The following PARP4 variants were observed in gnomAD, a reference collection of about 807,000 sequenced individuals.
PARP4 encodes protein mono-ADP-ribosyltransferase PARP4.
A neutral mutation model predicts 187.7 loss-of-function variants in PARP4; 120 were observed. The ratio of observed to expected loss-of-function variants is 0.64; its 90% CI spans 0.55 to 0.74. The LOEUF (loss-of-function observed/expected upper bound fraction) is 0.74, where lower values mean the gene tolerates loss of function less well. Among genes scored for constraint, PARP4 ranks in the 30% least tolerant of loss-of-function variants. The probability of loss-of-function intolerance (pLI) is 0.00; values close to 1 mark genes in which losing one functional copy is unlikely to be tolerated. For missense variants in PARP4, 1,836 were observed against 2,070.5 expected (o/e 0.89, Z 2.20); for synonymous variants, 654 against 740.9 (o/e 0.88, Z 1.90).
chr13:24,475,163 C>A (rs13378615), intron 15 of PARP4, among the ~76,000 whole-genome samples: 1,865 of 152,250 alleles, frequency 0.012, 38 homozygotes, highest in African/African-American at 0.042. Flanking sequence ...AAAGCAGCTC[C>A]TCCTGCTTTC....
chr13:24,449,661 C>T (rs541174406), intron 25 of PARP4, 57 bp downstream of exon 25: 31 of 983,262 alleles, frequency 3.2e-5, no homozygotes, highest in Non-Finnish European at 4.2e-5. Flanking sequence ...TTCTTAGTCT[C>T]GGAAGAATAA....
chr13:24,501,708 A>AG lies in PARP4; in HGVS notation c.258dup (p.Asp88GlyfsTer6), dbSNP rs1869294015. 1.2e-6 allele frequency: 2 copies of AG among 1,613,150 alleles called. No homozygotes were observed. Among genetic ancestry groups the AG allele is most frequent in the South Asian group, 1.1e-5 (1 of 91,056 alleles). On this transcript the variant is annotated frameshift_variant, in exon 3 of 34. Transcript: ENST00000381989. LOFTEE classifies it high-confidence loss of function. Reference sequence around the variant, plus strand: ...TAAGGATCATAATTCTTTACATCCAAGAGTCTCTTTTCCCTGATAGATTTC... The same window carrying AG: ...TAAGGATCATAATTCTTTACATCCAAGGAGTCTCTTTTCCCTGATAGATTTC...
rs60369840 is a variant in PARP4 at position 24,501,524 on chromosome 13, AT to A, written c.334+108del. The A allele has an allele frequency of 5.4e-3, 3,904 of 721,228 alleles. 86 individuals are homozygous for A. The African/African-American group carries it at 0.055, about 10-fold the overall frequency. 44.7% of individuals were successfully genotyped at this position (721,228 alleles called of 1,614,324 possible). Reference sequence around the variant, plus strand: ...TCCATTTTCTGAGGTAATAAGTCTAATTTTTTTTTAGTATTTCTGGACAATT... The same window carrying A: ...TCCATTTTCTGAGGTAATAAGTCTAATTTTTTTTAGTATTTCTGGACAATT... On this transcript the variant is annotated intron_variant, in intron 3 of 33. Coordinates refer to ENST00000381989, the MANE Select transcript of PARP4 (RefSeq NM_006437.4).
intron 11 of PARP4, 99 bp from the exon 12 acceptor site, chr13:24,484,847 A>C: frequency 1.4e-6 from 1 of 739,018 alleles, no homozygotes; most frequent in Non-Finnish European, 2.4e-6. Flanking sequence ...TCTGGCATTC[A>C]GAGAACTCTG....
intron 28 of PARP4, 107 bp downstream of exon 28, chr13:24,443,543 G>A: frequency 1.4e-6 from 1 of 734,602 alleles, no homozygotes; most frequent in East Asian, 2.5e-5. Flanking sequence ...CCTGACACCA[G>A]TCTCCTTCTC....
At chr13:24,506,368 G>A (rs1008119079) in intron 1 of PARP4, among the ~76,000 whole-genome samples, 2 of 152,156 alleles carry the variant, frequency 1.3e-5, no homozygotes, top group African/African-American at 4.8e-5. Flanking sequence ...TGCAAGGAGT[G>A]AAAAACAAAG....
chr13:24,492,734 G>C, intron 8 of PARP4, 140 bp from the exon 9 acceptor site: 2 of 697,660 alleles, frequency 2.9e-6, no homozygotes, highest in South Asian at 2.1e-5. Flanking sequence ...AGCAAATGCT[G>C]ATCTTTATTG....
At chr13:24,493,502 G>GCTT (rs1868778992) in intron 8 of PARP4, 94 bp downstream of exon 8, 1 of 1,208,828 alleles carries the variant, frequency 8.3e-7, no homozygotes, top group Non-Finnish European at 1.2e-6. Flanking sequence ...TTCCAGAGCA[G>GCTT]TCAGGCCAGC....
chr13:24,494,752 A>G, intron 6 of PARP4, 30 bp from the exon 7 acceptor site: 2 of 1,514,994 alleles, frequency 1.3e-6, no homozygotes, highest in Non-Finnish European at 1.8e-6. Context: ...GCAAAAGTAC[A>G]GTCATTATTT....
intron 4 of PARP4, among the ~76,000 whole-genome samples, chr13:24,499,672 C>T (rs1404842068): frequency 6.6e-6 from 1 of 152,154 alleles, no homozygotes; most frequent in Non-Finnish European, 1.5e-5. Context: ...AAGAAGTGGG[C>T]CGCACACTCT....
intron 15 of PARP4, among the ~76,000 whole-genome samples, chr13:24,473,301 T>C (rs1566008119): frequency 6.6e-6 from 1 of 152,162 alleles, no homozygotes; most frequent in Non-Finnish European, 1.5e-5. Flanking sequence ...GTAGAATTCA[T>C]CTCTCTCTGG....
Position 24,492,447 on chromosome 13 carries a change from A to G in PARP4, c.1027T>C (p.Leu343=). ...TMPKEVNLGL[L]AKKADLCQLI... ...TGGCAGAGGTCTGCTTTCTTAGCCAATAGTCCCAGGTTCACTTCTTTGGGC... is the reference window on the plus strand; with the variant it reads ...TGGCAGAGGTCTGCTTTCTTAGCCAGTAGTCCCAGGTTCACTTCTTTGGGC... Residue 343 remains leucine, a synonymous_variant, in exon 9 of 34, where the codon TTG becomes CTG. Coordinates refer to ENST00000381989, the MANE Select transcript of PARP4 (RefSeq NM_006437.4). 1.2e-6 allele frequency: 2 copies of G among 1,613,764 alleles called. No individual in the cohort carries two copies. The highest frequency in any genetic ancestry group is 8.5e-7 in the Non-Finnish European group (1 of 1,179,844).
chr13:24,501,861 A>G (rs768550446), intron 2 of PARP4, 27 bp from the exon 3 acceptor site: 8 of 1,282,840 alleles, frequency 6.2e-6, no homozygotes, highest in Non-Finnish European at 9.0e-6. Context: ...TCAATCCATT[A>G]TGCATCAAGA....
At chr13:24,424,495 G>A (rs1025070734) in intron 33 of PARP4, among the ~76,000 whole-genome samples, 1 of 152,010 alleles carries the variant, frequency 6.6e-6, no homozygotes, top group Non-Finnish European at 1.5e-5. Flanking sequence ...AAATCAAGGG[G>A]TTTTGTTTAA....
intron 25 of PARP4, among the ~76,000 whole-genome samples, chr13:24,447,949 G>A (rs1871293737): frequency 1.3e-5 from 2 of 152,196 alleles, no homozygotes; most frequent in South Asian, 2.1e-4. Flanking sequence ...GCTCATGCCT[G>A]TAATCCCAGC....
At chr13:24,507,238 A>G (rs1869761555) in intron 1 of PARP4, among the ~76,000 whole-genome samples, 1 of 152,190 alleles carries the variant, frequency 6.6e-6, no homozygotes, top group South Asian at 2.1e-4. Flanking sequence ...GGGCTCCCAC[A>G]GTGCAGCGGC....
At chr13:24,482,863 G>T (rs1873350452) in intron 12 of PARP4, among the ~76,000 whole-genome samples, 1 of 152,072 alleles carries the variant, frequency 6.6e-6, no homozygotes. Context: ...AGGTCCTAAG[G>T]CTCATCCATT....
rs1420177812 is a variant in PARP4 at position 24,452,560 on chromosome 13, A to G, written c.2860T>C (p.Trp954Arg). ...ATPTMGNTDF[W>R]KTLRYLSLLY... ...AAGCTAAGATATCGGAGTGTTTTCC[A>G]GAAGTCTGTGTTCCCCATGGTAGGT... The change falls in exon 24 of 34, where the codon TGG becomes CGG. Residue 954 changes from tryptophan (W) to arginine (R), a missense_variant. Coordinates refer to ENST00000381989, the MANE Select transcript of PARP4 (RefSeq NM_006437.4). 2 of 1,614,042 alleles carry G rather than the reference A, an allele frequency of 1.2e-6. No individual in the cohort carries two copies. Among genetic ancestry groups the G allele is most frequent in the East Asian group, 2.2e-5 (1 of 44,884 alleles).
At chr13:24,474,765 G>A (rs571372597) in intron 15 of PARP4, among the ~76,000 whole-genome samples, 1 of 152,198 alleles carries the variant, frequency 6.6e-6, no homozygotes, top group East Asian at 1.9e-4. Context: ...TGGCCAGAGT[G>A]AGCTGGTTAA....
Sources: allele counts gnomAD v4.1 joint callset (sites outside exome capture counted in the v4.1 genomes callset), GRCh38; gene constraint gnomAD v4.1.1; transcripts MANE v1.5; gene names NCBI Gene and HGNC (gene_info 2026-07-23, HGNC 2026-07-21).